The following CTNNA3 variants were observed in gnomAD, a reference collection of about 807,000 sequenced individuals.
CTNNA3 encodes the protein catenin alpha 3.
A neutral mutation model predicts 95.7 loss-of-function variants in CTNNA3; 76 were observed. The observed-to-expected ratio is 0.79, with a 90% confidence interval of 0.66 to 0.96. CTNNA3 has a LOEUF of 0.96. Among genes scored for constraint, CTNNA3 ranks in the 40% least tolerant of loss-of-function variants. The probability of loss-of-function intolerance (pLI) is 0.00; values close to 1 mark genes in which losing one functional copy is unlikely to be tolerated. For synonymous variants in CTNNA3, 431 were observed against 374.4 expected, an observed-to-expected ratio of 1.15 and a Z score of -1.74; for missense variants, 1,191 against 1,089.8, an observed-to-expected ratio of 1.09 and a Z score of -1.31.
chr10:66,325,896 T>A (rs1220553014), intron 12 of CTNNA3, among the ~76,000 whole-genome samples: 1 of 152,146 alleles, frequency 6.6e-6, no homozygotes, highest in African/African-American at 2.4e-5. Flanking sequence ...TGAATTAAAA[T>A]GCTTATTTCA....
chr10:67,699,761 G>A (rs551042367), upstream of CTNNA3, among the ~76,000 whole-genome samples: 64 of 152,252 alleles, frequency 4.2e-4, no homozygotes, highest in Non-Finnish European at 8.1e-4. Context: ...GGGAGTGCCA[G>A]ACAGTGGGCG....
intron 5 of CTNNA3, among the ~76,000 whole-genome samples, chr10:67,426,270 A>G (rs1845919401): frequency 6.6e-6 from 1 of 152,054 alleles, no homozygotes. Flanking sequence ...AAATGGAGCA[A>G]ACAAATATGT....
At chr10:66,847,550 A>G (rs1202221046) in intron 7 of CTNNA3, among the ~76,000 whole-genome samples, 1 of 152,164 alleles carries the variant, frequency 6.6e-6, no homozygotes, top group Non-Finnish European at 1.5e-5. Flanking sequence ...GCTTTACCCA[A>G]GTGCTTCAAT....
intron 3 of CTNNA3, among the ~76,000 whole-genome samples, chr10:67,559,726 T>C (rs1467104274): frequency 6.6e-6 from 1 of 151,838 alleles, no homozygotes; most frequent in Non-Finnish European, 1.5e-5. Flanking sequence ...GGCAAAGAAG[T>C]TAAAAACTTT....
chr10:66,039,191 A>G (rs901640410), intron 15 of CTNNA3, among the ~76,000 whole-genome samples: 1 of 152,212 alleles, frequency 6.6e-6, no homozygotes, highest in Non-Finnish European at 1.5e-5. Flanking sequence ...GCAGCCAGGG[A>G]GGTGAAAGAT....
intron 5 of CTNNA3, among the ~76,000 whole-genome samples, chr10:67,368,815 A>G (rs1843309584): frequency 6.6e-6 from 1 of 152,220 alleles, no homozygotes; most frequent in Non-Finnish European, 1.5e-5. Flanking sequence ...GAATTAATCT[A>G]CAGTGACATA....
At chr10:66,584,368 C>A (rs986878928) in intron 10 of CTNNA3, among the ~76,000 whole-genome samples, 11 of 151,620 alleles carry the variant, frequency 7.3e-5, no homozygotes, top group Non-Finnish European at 1.5e-4. Context: ...CTCTAGAGTT[C>A]GGTGCATATA....
chr10:66,899,733 G>C (rs1427046867), intron 7 of CTNNA3, among the ~76,000 whole-genome samples: 1 of 152,088 alleles, frequency 6.6e-6, no homozygotes, highest in Non-Finnish European at 1.5e-5. Flanking sequence ...CACGCCCATA[G>C]AGCCTTGCTC....
chr10:65,914,011 C>G lies in CTNNA3; in HGVS notation c.*6319G>C, dbSNP rs573558573. The G allele has an allele frequency of 6.6e-6, 1 of 152,112 alleles. No individual in the cohort carries two copies. The highest frequency in any genetic ancestry group is 1.5e-5 in the Non-Finnish European group (1 of 68,002). The allele number at this position is 152,112 out of a possible 1,614,324, so 9.4% of individuals were successfully genotyped here. On this transcript the variant is annotated 3_prime_UTR_variant, in exon 18 of 18. Coordinates refer to ENST00000433211, the MANE Select transcript of CTNNA3 (RefSeq NM_013266.4). Reference sequence around the variant, plus strand: ...AAATGTATAAGGAAGTGTCACAGACCTCCAACACCAAATAACCAGAACTAA... The same window carrying G: ...AAATGTATAAGGAAGTGTCACAGACGTCCAACACCAAATAACCAGAACTAA...
intron 7 of CTNNA3, among the ~76,000 whole-genome samples, chr10:67,018,336 C>G (rs1046679046): frequency 2.2e-4 from 34 of 152,224 alleles, no homozygotes; most frequent in African/African-American, 7.9e-4. Flanking sequence ...TTCCTGATTC[C>G]TGATTTTCTT....
At chr10:67,158,980 A>C (rs1435060892) in intron 7 of CTNNA3, among the ~76,000 whole-genome samples, 2 of 152,144 alleles carry the variant, frequency 1.3e-5, no homozygotes, top group Admixed American at 1.3e-4. Context: ...TTTTAAAAAA[A>C]ACAACAAGGA....
At chr10:67,426,082 A>G (rs1240239312) in intron 5 of CTNNA3, among the ~76,000 whole-genome samples, 4 of 152,140 alleles carry the variant, frequency 2.6e-5, no homozygotes, top group African/African-American at 9.7e-5. Flanking sequence ...CAGCGCATGA[A>G]ATGTTCAGAG....
chr10:66,787,658 A>C (rs1407139554), intron 7 of CTNNA3, among the ~76,000 whole-genome samples: 3 of 152,202 alleles, frequency 2.0e-5, no homozygotes, highest in Non-Finnish European at 4.4e-5. Flanking sequence ...GTGACAAGCC[A>C]CAACTAACGC....
chr10:67,196,346 C>G (rs981913284), intron 6 of CTNNA3, among the ~76,000 whole-genome samples: 2 of 151,990 alleles, frequency 1.3e-5, no homozygotes, highest in Non-Finnish European at 2.9e-5. Context: ...ACATACAAAT[C>G]TAAATACATA....
chr10:66,904,081 A>G (rs1428288066), intron 7 of CTNNA3, among the ~76,000 whole-genome samples: 2 of 152,186 alleles, frequency 1.3e-5, no homozygotes, highest in Admixed American at 6.5e-5. Context: ...GATAATCCTA[A>G]GCAAAAAGAA....
At chr10:67,722,920 A>G (rs767066961) in intron 1 of CTNNA3, among the ~76,000 whole-genome samples, 6 of 152,096 alleles carry the variant, frequency 3.9e-5, no homozygotes, top group Non-Finnish European at 8.8e-5. Context: ...GAAACACTCT[A>G]TAACACAGAG....
intron 13 of CTNNA3, among the ~76,000 whole-genome samples, chr10:66,260,058 TC>T (rs1195332381): frequency 1.3e-5 from 2 of 152,018 alleles, no homozygotes; most frequent in African/African-American, 2.4e-5. Context: ...ACCTCTCACT[TC>T]CCCATTGTCT....
At chr10:66,149,978 G>C (rs1369133522) in intron 13 of CTNNA3, among the ~76,000 whole-genome samples, 1 of 152,082 alleles carries the variant, frequency 6.6e-6, no homozygotes, top group African/African-American at 2.4e-5. Flanking sequence ...ATGTCCTTGA[G>C]TTAACAATGG....
At chr10:66,341,005 T>C (rs1273606498) in intron 12 of CTNNA3, among the ~76,000 whole-genome samples, 3 of 151,956 alleles carry the variant, frequency 2.0e-5, no homozygotes, top group East Asian at 1.9e-4. Flanking sequence ...CTGTCTAACA[T>C]TGAAACAGAC....
Sources: gnomAD v4.1 joint callset for allele counts (sites outside exome capture counted in the v4.1 genomes callset) on GRCh38, gnomAD v4.1.1 for gene constraint, MANE v1.5 for transcripts, NCBI Gene and HGNC (gene_info 2026-07-23, HGNC 2026-07-21) for gene names.